The following NTM variants were observed in gnomAD, a reference collection of about 807,000 sequenced individuals.
The protein encoded by NTM is IgLON family member 2.
A neutral mutation model predicts 42.1 loss-of-function variants in NTM; 13 were observed. The ratio of observed to expected loss-of-function variants is 0.31; its 90% CI spans 0.20 to 0.49. The LOEUF (loss-of-function observed/expected upper bound fraction) is 0.49, where lower values mean the gene tolerates loss of function less well. Among genes scored for constraint, NTM ranks in the 20% least tolerant of loss-of-function variants. The pLI, the probability that NTM is intolerant of heterozygous loss-of-function variation, is 0.99. For synonymous variants in NTM, 187 were observed against 179.2 expected, an observed-to-expected ratio of 1.04 and a Z score of -0.35; for missense variants, 373 against 452.8, an observed-to-expected ratio of 0.82 and a Z score of 1.60.
chr11:131,647,988 TCTG>T lies in NTM; in HGVS notation c.83-263573_83-263571del, dbSNP rs1166021439. ...GCCTAGTACCCAATAGTTATTTTCT[TCTG>T]CTCCTCTTTCTCCTCTCACCCTCTA... On this transcript the variant is annotated intron_variant, in intron 1 of 8. Coordinates refer to ENST00000683400, the MANE Select transcript of NTM (RefSeq NM_001352005.2). 3.3e-5 allele frequency among the ~76,000 whole-genome samples: 5 copies of T among 152,288 alleles called. 1 individual carries two copies. Among genetic ancestry groups the T allele is most frequent in the African/African-American group, 1.2e-4 (5 of 41,552 alleles).
intron 2 of NTM, among the ~76,000 whole-genome samples, chr11:132,094,534 A>G (rs2060735361): frequency 1.3e-5 from 2 of 152,214 alleles, no homozygotes. Flanking sequence ...AGGAAGACCA[A>G]AAATGAATGA....
intron 1 of NTM, among the ~76,000 whole-genome samples, chr11:131,634,390 C>A (rs2064100891): frequency 9.3e-6 from 1 of 107,324 alleles, no homozygotes; most frequent in African/African-American, 2.8e-5. Context: ...AAATTTCAAG[C>A]CCCCTGGAAA....
At chr11:132,030,761 G>A (rs997173831) in intron 2 of NTM, among the ~76,000 whole-genome samples, 2 of 152,194 alleles carry the variant, frequency 1.3e-5, no homozygotes, top group East Asian at 1.9e-4. Flanking sequence ...GAGTGAGAGT[G>A]AGAAAGGGAG....
At chr11:131,374,292 C>T (rs1414975659) in intron 1 of NTM, among the ~76,000 whole-genome samples, 1 of 152,206 alleles carries the variant, frequency 6.6e-6, no homozygotes, top group African/African-American at 2.4e-5. Context: ...AGGAGGCCAC[C>T]CCACCAATGG....
At chr11:131,861,464 T>G (rs1453540838) in intron 1 of NTM, among the ~76,000 whole-genome samples, 5 of 152,220 alleles carry the variant, frequency 3.3e-5, no homozygotes, top group African/African-American at 1.2e-4. Flanking sequence ...CTGTTCATCC[T>G]TCTATGTCCT....
chr11:132,003,246 A>AG lies in NTM; in HGVS notation c.167+91599dup, dbSNP rs1555213992. On this transcript the variant is annotated intron_variant, in intron 2 of 8. Transcript: ENST00000683400. This position sits in a 1 kb window ranked among gnomAD's most constrained non-coding sequence, Gnocchi z 6.0. Reference sequence around the variant, plus strand: ...CGGATTCCTCCACCCACACCCTTAGAGTTTTTTTTTCTTTTTTTTTTTTGA... The same window carrying AG: ...CGGATTCCTCCACCCACACCCTTAGAGGTTTTTTTTTCTTTTTTTTTTTTGA... 1.0e-5 allele frequency among the ~76,000 whole-genome samples: 1 copy of AG among 98,296 alleles called. No individual in the cohort carries two copies. Among genetic ancestry groups the AG allele is most frequent in the Admixed American group, 1.0e-4 (1 of 9,592 alleles). The allele number at this position is 98,296 out of a possible 152,430, so 64.5% of individuals were successfully genotyped here. A position where few individuals can be genotyped will look rare whatever the true frequency, so the allele number is the denominator to read the frequency against.
intron 1 of NTM, among the ~76,000 whole-genome samples, chr11:131,485,062 A>G (rs1051842658): frequency 2.0e-5 from 3 of 152,230 alleles, no homozygotes; most frequent in Non-Finnish European, 2.9e-5. Flanking sequence ...AGCAATTAGC[A>G]TAGAGTCTGT....
rs1347698331 is a variant in NTM, at chr11:131,414,592, G to T, written c.82+43704G>T. On this transcript the variant is annotated intron_variant, in intron 1 of 8. Transcript: ENST00000683400. ...AAGGATCAAGGGCAACACTCTGTGAGGTTCTTTGGATGCATATACCATGGT... is the reference window on the plus strand; with the variant it reads ...AAGGATCAAGGGCAACACTCTGTGATGTTCTTTGGATGCATATACCATGGT... Among the ~76,000 whole-genome samples, 5 of 152,176 alleles carry T rather than the reference G, an allele frequency of 3.3e-5. No homozygotes were observed. In the South Asian group the frequency reaches 8.3e-4, roughly 25 times the overall value.
chr11:132,118,147 CA>C (rs1260446854), intron 2 of NTM, among the ~76,000 whole-genome samples: 2 of 152,138 alleles, frequency 1.3e-5, no homozygotes, highest in Non-Finnish European at 2.9e-5. Context: ...GCGGTAGCTT[CA>C]AACATGAATT....
At chr11:131,770,873 C>A (rs182222328) in intron 1 of NTM, 1 of 152,156 alleles carries the variant, frequency 6.6e-6, no homozygotes, top group Non-Finnish European at 1.5e-5. Flanking sequence ...ACACCCTATG[C>A]GTCTGTCCCT....
chr11:131,792,951 T>TG (rs1235240289), intron 1 of NTM, among the ~76,000 whole-genome samples: 2 of 152,212 alleles, frequency 1.3e-5, no homozygotes, highest in East Asian at 3.8e-4. Flanking sequence ...TACTGTAAAA[T>TG]GGAGACAGTC....
chr11:131,675,549 ATTAT>A (rs2071230345), intron 1 of NTM, among the ~76,000 whole-genome samples: 1 of 152,086 alleles, frequency 6.6e-6, no homozygotes, highest in Non-Finnish European at 1.5e-5. Context: ...GGGAGGTAGG[ATTAT>A]CTCATTTTAA....
intron 1 of NTM, among the ~76,000 whole-genome samples, chr11:131,523,623 C>G (rs1187807428): frequency 1.3e-5 from 2 of 151,838 alleles, no homozygotes; most frequent in Non-Finnish European, 2.9e-5. Context: ...AACCCCATCT[C>G]TACTAAAAAC....
chr11:132,141,701 A>G (rs561517237), intron 2 of NTM, among the ~76,000 whole-genome samples: 1 of 152,322 alleles, frequency 6.6e-6, no homozygotes, highest in African/African-American at 2.4e-5. Flanking sequence ...CACTTATCCA[A>G]AAAAGGAACA....
intron 1 of NTM, among the ~76,000 whole-genome samples, chr11:131,838,839 G>T (rs2043851008): frequency 6.6e-6 from 1 of 152,104 alleles, no homozygotes; most frequent in Non-Finnish European, 1.5e-5. Context: ...CTGTGTACCA[G>T]GTATTCTTGG....
At chr11:132,193,017 T>A (rs1247546125) in intron 3 of NTM, among the ~76,000 whole-genome samples, 1 of 152,016 alleles carries the variant, frequency 6.6e-6, no homozygotes, top group Non-Finnish European at 1.5e-5. Flanking sequence ...TTCTTAGAGA[T>A]CTACAAAGAT....
chr11:131,578,096 C>T (rs2058089103), intron 1 of NTM, among the ~76,000 whole-genome samples: 1 of 152,150 alleles, frequency 6.6e-6, no homozygotes, highest in Non-Finnish European at 1.5e-5. Flanking sequence ...ATATCTCCAT[C>T]AGCAAGTTGG....
chr11:131,764,292 C>A (rs780264591), intron 1 of NTM, among the ~76,000 whole-genome samples: 1 of 152,134 alleles, frequency 6.6e-6, no homozygotes, highest in Non-Finnish European at 1.5e-5. Flanking sequence ...CAAAGCTGTG[C>A]TTTATAGAAC....
chr11:131,463,384 G>C lies in NTM; in HGVS notation c.82+92496G>C, dbSNP rs962517614. 2.0e-5 allele frequency among the ~76,000 whole-genome samples: 3 copies of C among 152,290 alleles called. No individual in the cohort carries two copies. The Middle Eastern group carries it at 0.01, about 518-fold the overall frequency. On this transcript the variant is annotated intron_variant, in intron 1 of 8. Coordinates refer to ENST00000683400, the MANE Select transcript of NTM (RefSeq NM_001352005.2). ...GGGTAGCACCCAGCTCTGCCCCCCA[G>C]TGCGTGACCTGGGCACAGCTGAGCC...
Sources: gnomAD v4.1 joint callset for allele counts (sites outside exome capture counted in the v4.1 genomes callset) on GRCh38, gnomAD v4.1.1 for gene constraint, Gnocchi (gnomAD v3.1) non-coding constraint, MANE v1.5 for transcripts, NCBI Gene and HGNC (gene_info 2026-07-23, HGNC 2026-07-21) for gene names.